Variants in SEMA3E observed in about 807,000 individuals in gnomAD.
The protein encoded by SEMA3E is semaphorin-3E.
Under a neutral mutation model 93.6 loss-of-function variants are expected in SEMA3E, and 49 were observed. The ratio of observed to expected loss-of-function variants is 0.52; its 90% confidence interval spans 0.42 to 0.66. The LOEUF (loss-of-function observed/expected upper bound fraction) is 0.66, where lower values mean the gene tolerates loss of function less well. Ranked by LOEUF, SEMA3E falls within the 30% of genes least tolerant of loss-of-function variation. SEMA3E has a pLI of 0.00. For synonymous variants in SEMA3E, 363 were observed against 330.7 expected, an observed-to-expected ratio of 1.10 and a Z score of -1.06; for missense variants, 906 against 964.8, an observed-to-expected ratio of 0.94 and a Z score of 0.81.
At chr7:83,585,090 G>A (rs2115924203) in intron 1 of SEMA3E, among the ~76,000 whole-genome samples, 1 of 152,192 alleles carries the variant, frequency 6.6e-6, no homozygotes, top group African/African-American at 2.4e-5. Flanking sequence ...TAGGTTATTT[G>A]CATGTGCTGT....
At chr7:83,621,969 A>G (rs1168787405) in intron 1 of SEMA3E, among the ~76,000 whole-genome samples, 1 of 152,226 alleles carries the variant, frequency 6.6e-6, no homozygotes, top group Non-Finnish European at 1.5e-5. Flanking sequence ...AGCAATTGCA[A>G]CAAATGCAAA....
chr7:83,450,041 A>C (rs61313769), intron 4 of SEMA3E, among the ~76,000 whole-genome samples: 4,327 of 152,260 alleles, frequency 0.028, 228 homozygotes, highest in African/African-American at 0.098. Flanking sequence ...AAGGCACACA[A>C]TTTTCTTGAG....
At chr7:83,469,398 C>CTT (rs10650403) in intron 2 of SEMA3E, 96 bp from the exon 3 acceptor site, 67,020 of 589,180 alleles carry the variant, frequency 0.11, 1,733 homozygotes, top group African/African-American at 0.14. Flanking sequence ...AAAACATTTC[C>CTT]TTTTTTTTTT....
At chr7:83,562,478 T>TTATTTATTTATG (rs1792050995) in intron 1 of SEMA3E, among the ~76,000 whole-genome samples, 1 of 149,404 alleles carries the variant, frequency 6.7e-6, no homozygotes, top group Admixed American at 6.7e-5. Flanking sequence ...ATTTATTTAT[T>TTATTTATTTATG]TATTTATTTA....
chr7:83,473,351 G>C (rs1584272561), intron 2 of SEMA3E, among the ~76,000 whole-genome samples: 1 of 152,156 alleles, frequency 6.6e-6, no homozygotes, highest in African/African-American at 2.4e-5. Context: ...TGCTAGGCCT[G>C]TGACAGTAAG....
chr7:83,598,700 C>G (rs2115972705), intron 1 of SEMA3E, among the ~76,000 whole-genome samples: 1 of 152,210 alleles, frequency 6.6e-6, no homozygotes, highest in Admixed American at 6.5e-5. Flanking sequence ...AGGGACCAAA[C>G]GTTCATAGTC....
intron 1 of SEMA3E, among the ~76,000 whole-genome samples, chr7:83,626,387 G>A (rs573307949): frequency 6.6e-6 from 1 of 152,034 alleles, no homozygotes; most frequent in Non-Finnish European, 1.5e-5. Flanking sequence ...TTCAGAATTT[G>A]TTATTGATCT....
intron 2 of SEMA3E, among the ~76,000 whole-genome samples, chr7:83,470,814 C>T (rs1584270667): frequency 6.7e-6 from 1 of 148,988 alleles, no homozygotes; most frequent in East Asian, 2.0e-4. Flanking sequence ...ATATAGTCTG[C>T]TGTTTCTGAG....
At chr7:83,502,235 C>T (rs1400081550) in intron 1 of SEMA3E, among the ~76,000 whole-genome samples, 1 of 152,158 alleles carries the variant, frequency 6.6e-6, no homozygotes, top group South Asian at 2.1e-4. Context: ...GTCTTCTATG[C>T]TCCGTGCCTC....
rs1354808997 is a variant in SEMA3E, at chr7:83,405,982, T to C, written c.891A>G (p.Pro297=). 1 of 1,613,236 alleles carries C rather than the reference T, an allele frequency of 6.2e-7. No individual in the cohort carries two copies. Among genetic ancestry groups the C allele is most frequent in the Non-Finnish European group, 8.5e-7 (1 of 1,179,432 alleles). ...AATATGTGTCAATTCCATTCATTCC[T>C]GGTACTGAGCAAACGAGTCTCGCTT... ...FLKARLVCSV[P]GMNGIDTYFD... is the part of the protein sequence containing the mutation. The change falls in exon 8 of 17, where the codon CCA becomes CCG. Residue 297 remains proline, a synonymous_variant. Transcript: ENST00000643230.
At chr7:83,445,227 C>T (rs1481645051) in intron 4 of SEMA3E, among the ~76,000 whole-genome samples, 1 of 152,174 alleles carries the variant, frequency 6.6e-6, no homozygotes, top group Non-Finnish European at 1.5e-5. Context: ...TCGTTCAAGA[C>T]ATTTTAGAAA....
At chr7:83,547,380 T>A (rs570717457) in intron 1 of SEMA3E, among the ~76,000 whole-genome samples, 6 of 152,222 alleles carry the variant, frequency 3.9e-5, no homozygotes, top group Non-Finnish European at 5.9e-5. Context: ...TATAAACTTT[T>A]CTAATTTTTC....
chr7:83,534,515 T>C (rs1252031365), intron 1 of SEMA3E, among the ~76,000 whole-genome samples: 1 of 152,200 alleles, frequency 6.6e-6, no homozygotes, highest in Non-Finnish European at 1.5e-5. Context: ...GAAATAAAAG[T>C]AAAAATCTGT....
At chr7:83,562,765 T>C (rs1022445682) in intron 1 of SEMA3E, among the ~76,000 whole-genome samples, 2 of 152,086 alleles carry the variant, frequency 1.3e-5, no homozygotes, top group African/African-American at 4.8e-5. Context: ...TAGCCTGGGC[T>C]TTTTAGTAGC....
chr7:83,589,276 CTCTCT>C (rs1294446912), intron 1 of SEMA3E, among the ~76,000 whole-genome samples: 1 of 151,994 alleles, frequency 6.6e-6, no homozygotes, highest in Non-Finnish European at 1.5e-5. Flanking sequence ...TTTTACACTC[CTCTCT>C]TGTTTCTTCA....
intron 1 of SEMA3E, among the ~76,000 whole-genome samples, chr7:83,569,022 T>G (rs1684026288): frequency 6.6e-6 from 1 of 151,962 alleles, no homozygotes; most frequent in South Asian, 2.1e-4. Flanking sequence ...GAAAAATGAA[T>G]TCAGTAAAAT....
intron 1 of SEMA3E, among the ~76,000 whole-genome samples, chr7:83,605,508 G>A (rs1308034419): frequency 6.6e-6 from 1 of 151,004 alleles, no homozygotes; most frequent in African/African-American, 2.4e-5. Flanking sequence ...TCAATTCACT[G>A]CAAACTCCAC....
chr7:83,386,937 A>G (rs1186761444), intron 15 of SEMA3E, 46 bp downstream of exon 15: 8 of 1,528,702 alleles, frequency 5.2e-6, no homozygotes, highest in African/African-American at 1.4e-5. Flanking sequence ...TTTATGTTCA[A>G]TGTATTCTCT....
chr7:83,383,887 C>T (rs1220892839), intron 16 of SEMA3E, among the ~76,000 whole-genome samples: 8 of 151,950 alleles, frequency 5.3e-5, no homozygotes, highest in Non-Finnish European at 8.8e-5. Context: ...TTATCAGGTC[C>T]TTTTCTGCCA....
Sources: allele counts gnomAD v4.1 joint callset (sites outside exome capture counted in the v4.1 genomes callset), GRCh38; gene constraint gnomAD v4.1.1; transcripts MANE v1.5; gene names NCBI Gene and HGNC (gene_info 2026-07-23, HGNC 2026-07-21).